The following FAR2 variants were observed in gnomAD, a reference collection of about 807,000 sequenced individuals.
FAR2 encodes epididymis secretory protein Li 81.
FAR2 carries 19 observed loss-of-function variants against 56.0 expected under a neutral mutation model. That is an observed-to-expected ratio of 0.34 (90% CI 0.24 to 0.50). FAR2 has a LOEUF of 0.50. Ranked by LOEUF, FAR2 falls within the 20% of genes least tolerant of loss-of-function variation. The pLI is 0.98. For missense variants in FAR2, 508 were observed against 642.2 expected, an observed-to-expected ratio of 0.79 and a Z score of 2.26; for synonymous variants, 219 against 218.8, an observed-to-expected ratio of 1.00 and a Z score of -0.01.
intron 1 of FAR2, among the ~76,000 whole-genome samples, chr12:29,186,344 G>T (rs763318526): frequency 3.3e-5 from 5 of 152,176 alleles, no homozygotes; most frequent in Non-Finnish European, 7.3e-5. Flanking sequence ...ATAAGCACCC[G>T]AGTGCAGGAC....
chr12:29,178,655 T>A lies in FAR2; in HGVS notation c.-39+29248T>A, dbSNP rs560870545. On this transcript the variant is annotated intron_variant, in intron 1 of 11. Transcript: ENST00000536681. ...AGGGGCCCAGGACGGGGGACAGCCTTGTTTTTCTAATATGGTAAGGCCCAT... is the reference window on the plus strand; with the variant it reads ...AGGGGCCCAGGACGGGGGACAGCCTAGTTTTTCTAATATGGTAAGGCCCAT... Among the ~76,000 whole-genome samples, 126 of 152,350 alleles carry A rather than the reference T, an allele frequency of 8.3e-4. 1 individual carries two copies. The highest frequency in any genetic ancestry group is 2.9e-3 in the African/African-American group (119 of 41,590).
intron 1 of FAR2, among the ~76,000 whole-genome samples, chr12:29,191,431 A>G (rs1035716772): frequency 1.1e-4 from 16 of 152,274 alleles, no homozygotes; most frequent in African/African-American, 3.4e-4. Flanking sequence ...GACAATCGCA[A>G]GATTATGTGT....
chr12:29,268,640 A>G (rs1948560288), intron 1 of FAR2, among the ~76,000 whole-genome samples: 1 of 152,174 alleles, frequency 6.6e-6, no homozygotes, highest in Non-Finnish European at 1.5e-5. Flanking sequence ...AGGGGGAAAA[A>G]GGTGGCACTT....
intron 1 of FAR2, among the ~76,000 whole-genome samples, chr12:29,248,797 C>T (rs1948166558): frequency 6.6e-6 from 1 of 152,192 alleles, no homozygotes; most frequent in Non-Finnish European, 1.5e-5. Flanking sequence ...GACCCACCCC[C>T]AGGTGTGTAT....
Position 29,309,175 on chromosome 12 carries a change from C to A in FAR2, c.724-11C>A. The A allele has an allele frequency of 6.3e-7, 1 of 1,585,266 alleles. No individual in the cohort carries two copies. Among genetic ancestry groups the A allele is most frequent in the Non-Finnish European group, 8.6e-7 (1 of 1,156,504 alleles). On this transcript the variant is annotated splice_polypyrimidine_tract_variant and intron_variant, in intron 5 of 11. Coordinates refer to ENST00000536681, the MANE Select transcript of FAR2 (RefSeq NM_001271783.2). ...GAAATGTGTAACCAATAGAAATCTT[C>A]TTTCTTTTAGGGTTGGGTTGATAAT...
At chr12:29,206,798 G>A in intron 1 of FAR2, among the ~76,000 whole-genome samples, 1 of 152,148 alleles carries the variant, frequency 6.6e-6, no homozygotes, top group East Asian at 1.9e-4. Flanking sequence ...GACACACCTG[G>A]CATCCCAGAG....
At chr12:29,169,033 T>C (rs986957432) in intron 1 of FAR2, among the ~76,000 whole-genome samples, 6 of 152,138 alleles carry the variant, frequency 3.9e-5, no homozygotes, top group Non-Finnish European at 8.8e-5. Flanking sequence ...TTTTACAGAG[T>C]GCTGATTGGT....
At chr12:29,305,561 G>A (rs1949241899) in intron 4 of FAR2, among the ~76,000 whole-genome samples, 1 of 152,190 alleles carries the variant, frequency 6.6e-6, no homozygotes, top group African/African-American at 2.4e-5. Context: ...CTTAAATGCA[G>A]TTGTGAATAT....
intron 4 of FAR2, chr12:29,301,605 T>C (rs1414172292): frequency 2.0e-5 from 3 of 152,138 alleles, no homozygotes; most frequent in Non-Finnish European, 4.4e-5. Flanking sequence ...AAACCTGAAA[T>C]AACTGGAAGC....
intron 1 of FAR2, among the ~76,000 whole-genome samples, chr12:29,173,779 C>T (rs140156719): frequency 9.2e-5 from 14 of 152,204 alleles, no homozygotes; most frequent in African/African-American, 3.4e-4. Context: ...CAAGAACCCG[C>T]GACAGTCCCT....
intron 2 of FAR2, among the ~76,000 whole-genome samples, chr12:29,289,336 A>G (rs1948923827): frequency 1.3e-5 from 2 of 152,212 alleles, no homozygotes; most frequent in Non-Finnish European, 2.9e-5. Flanking sequence ...GTACCAGCAT[A>G]AAAACAGACA....
intron 1 of FAR2, among the ~76,000 whole-genome samples, chr12:29,217,397 C>T (rs1374791783): frequency 6.6e-6 from 1 of 152,164 alleles, no homozygotes; most frequent in Non-Finnish European, 1.5e-5. Flanking sequence ...GCTGATTCTT[C>T]CTAGCTGCTG....
At chr12:29,279,630 A>G (rs1470970567) in intron 2 of FAR2, among the ~76,000 whole-genome samples, 2 of 152,016 alleles carry the variant, frequency 1.3e-5, no homozygotes, top group Non-Finnish European at 2.9e-5. Flanking sequence ...TATGTTTTGG[A>G]TGGTTAAAGA....
intron 4 of FAR2, among the ~76,000 whole-genome samples, chr12:29,298,997 C>T (rs1419772949): frequency 2.0e-5 from 3 of 151,680 alleles, no homozygotes; most frequent in Non-Finnish European, 4.4e-5. Context: ...GTGGATCACC[C>T]GAGGTCAGGA....
chr12:29,286,156 G>A (rs1948873625), intron 2 of FAR2, among the ~76,000 whole-genome samples: 1 of 152,084 alleles, frequency 6.6e-6, no homozygotes, highest in South Asian at 2.1e-4. Flanking sequence ...TGTGGAAGTA[G>A]AAAGGGAATT....
intron 1 of FAR2, among the ~76,000 whole-genome samples, chr12:29,198,395 A>G (rs1391507565): frequency 6.6e-6 from 1 of 151,820 alleles, no homozygotes; most frequent in Non-Finnish European, 1.5e-5. Context: ...TGCCCAGCTA[A>G]TTTTTGTATT....
At chr12:29,305,581 C>A (rs1949242064) in intron 4 of FAR2, among the ~76,000 whole-genome samples, 1 of 152,042 alleles carries the variant, frequency 6.6e-6, no homozygotes, top group East Asian at 1.9e-4. Flanking sequence ...TTCCTGTTTA[C>A]CCTTATGATA....
At chr12:29,249,343 A>T in intron 1 of FAR2, among the ~76,000 whole-genome samples, 1 of 152,228 alleles carries the variant, frequency 6.6e-6, no homozygotes, top group East Asian at 1.9e-4. Flanking sequence ...ATGCAATAGT[A>T]GTACAATAAG....
At position 29,150,869 on chromosome 12, in the gene FAR2, T is replaced by G. The variant is rs188093074; in HGVS notation, c.-39+1462T>G. ...GGGCTATAATTATCTATAAAAGAGA[T>G]GTAAATCACCATGAGTTGGTAAATC... is the stretch of plus-strand genomic sequence containing the variant. On this transcript the variant is annotated intron_variant, in intron 1 of 11. Transcript: ENST00000536681. Among the ~76,000 whole-genome samples, 37 of 152,316 alleles carry G rather than the reference T, an allele frequency of 2.4e-4. No individual in the cohort carries two copies. In the East Asian group the frequency reaches 7.1e-3, roughly 29 times the overall value.
Sources: gnomAD v4.1 joint callset for allele counts (sites outside exome capture counted in the v4.1 genomes callset) on GRCh38, gnomAD v4.1.1 for gene constraint, MANE v1.5 for transcripts, NCBI Gene and HGNC (gene_info 2026-07-23, HGNC 2026-07-21) for gene names.